PLCL1: variants seen among roughly 807,000 people sequenced by gnomAD.
PLCL1 encodes phospholipase C like 1 (inactive).
In PLCL1, 41 loss-of-function variants were observed where a neutral mutation model predicts 84.4. That is an observed-to-expected ratio of 0.49 (90% CI 0.38 to 0.63). The LOEUF is 0.63. PLCL1 is among the 30% of genes least tolerant of loss of function. The pLI is 0.00. For synonymous variants in PLCL1, 490 were observed against 488.3 expected (o/e 1.00, Z -0.05); for missense variants, 1,206 against 1,367.8 (o/e 0.88, Z 1.87).
intron 5 of PLCL1, among the ~76,000 whole-genome samples, chr2:198,112,671 AT>A (rs1314647496): frequency 6.6e-6 from 1 of 151,804 alleles, no homozygotes; most frequent in Non-Finnish European, 1.5e-5. Flanking sequence ...GTTTATTTCA[AT>A]TTTTTTGTCT....
intron 1 of PLCL1, among the ~76,000 whole-genome samples, chr2:198,069,937 T>C (rs1308691901): frequency 6.6e-6 from 1 of 152,172 alleles, no homozygotes; most frequent in East Asian, 1.9e-4. Context: ...GAATGTGGAT[T>C]AGAAGACAAT....
intron 1 of PLCL1, among the ~76,000 whole-genome samples, chr2:197,967,114 G>A (rs1054638592): frequency 1.3e-5 from 2 of 152,128 alleles, no homozygotes; most frequent in African/African-American, 4.8e-5. Flanking sequence ...TGACATTGTG[G>A]ATCCCCAGTG....
intron 1 of PLCL1, among the ~76,000 whole-genome samples, chr2:197,829,735 T>C (rs1482634679): frequency 6.6e-6 from 1 of 152,186 alleles, no homozygotes; most frequent in Non-Finnish European, 1.5e-5. Flanking sequence ...TAGTTTGGAG[T>C]GGCACATTGC....
chr2:198,123,526 T>G (rs1390233138), intron 5 of PLCL1, among the ~76,000 whole-genome samples: 4 of 152,008 alleles, frequency 2.6e-5, no homozygotes, highest in Non-Finnish European at 5.9e-5. Flanking sequence ...GAAGACCATG[T>G]GAAGACATAG....
intron 1 of PLCL1, among the ~76,000 whole-genome samples, chr2:197,887,383 A>G (rs2105721769): frequency 6.6e-6 from 1 of 152,224 alleles, no homozygotes; most frequent in African/African-American, 2.4e-5. Context: ...CAAGATGATC[A>G]TTTTTTTCTT....
intron 3 of PLCL1, among the ~76,000 whole-genome samples, chr2:198,096,609 G>A (rs541644117): frequency 6.0e-4 from 92 of 152,152 alleles, no homozygotes; most frequent in Non-Finnish European, 1.1e-3. Flanking sequence ...TGACTTCTGT[G>A]CTACCTTATT....
chr2:198,028,695 G>A (rs1175299997), intron 1 of PLCL1, among the ~76,000 whole-genome samples: 3 of 152,130 alleles, frequency 2.0e-5, no homozygotes, highest in Non-Finnish European at 4.4e-5. Context: ...CCTATTCGGG[G>A]AGAAGGGTAT....
intron 1 of PLCL1, among the ~76,000 whole-genome samples, chr2:197,815,941 A>C (rs1690677797): frequency 6.6e-6 from 1 of 152,178 alleles, no homozygotes; most frequent in South Asian, 2.1e-4. Context: ...CCTTGTGAAG[A>C]TGTTCTGAGC....
chr2:197,935,797 C>T (rs1689041140), intron 1 of PLCL1, among the ~76,000 whole-genome samples: 1 of 152,148 alleles, frequency 6.6e-6, no homozygotes, highest in Non-Finnish European at 1.5e-5. Flanking sequence ...TGAATTTCAG[C>T]TATACCATAT....
At chr2:198,132,418 T>G (rs1694141107) in intron 5 of PLCL1, among the ~76,000 whole-genome samples, 1 of 152,104 alleles carries the variant, frequency 6.6e-6, no homozygotes, top group African/African-American at 2.4e-5. Context: ...ATTCTCTACA[T>G]GGTGATAGTT....
chr2:197,953,253 C>T (rs963385190), intron 1 of PLCL1, among the ~76,000 whole-genome samples: 83 of 152,146 alleles, frequency 5.5e-4, no homozygotes, highest in Non-Finnish European at 7.1e-4. Flanking sequence ...TTTTCCGTAC[C>T]ATTCTAATAA....
At chr2:197,934,259 C>G (rs879342268) in intron 1 of PLCL1, among the ~76,000 whole-genome samples, 2 of 152,146 alleles carry the variant, frequency 1.3e-5, no homozygotes, top group African/African-American at 2.4e-5. Context: ...AGATTTCTTT[C>G]TTCAGCTCTT....
chr2:197,869,520 C>G (rs1687608839), intron 1 of PLCL1, among the ~76,000 whole-genome samples: 1 of 152,070 alleles, frequency 6.6e-6, no homozygotes, highest in South Asian at 2.1e-4. Flanking sequence ...ATGTTCGACT[C>G]ATGCAGTCAC....
chr2:198,006,809 A>G (rs1417422416), intron 1 of PLCL1, among the ~76,000 whole-genome samples: 1 of 152,176 alleles, frequency 6.6e-6, no homozygotes, highest in Non-Finnish European at 1.5e-5. Flanking sequence ...TTTGCTGCAA[A>G]GGACCCTGTG....
intron 3 of PLCL1, among the ~76,000 whole-genome samples, chr2:198,096,973 T>A (rs887930688): frequency 2.0e-5 from 3 of 152,204 alleles, no homozygotes; most frequent in Non-Finnish European, 2.9e-5. Flanking sequence ...ATGTCTATAG[T>A]TCCCCGATTT....
intron 1 of PLCL1, among the ~76,000 whole-genome samples, chr2:198,014,909 T>C (rs1288846671): frequency 6.6e-6 from 1 of 152,120 alleles, no homozygotes; most frequent in Non-Finnish European, 1.5e-5. Context: ...ATTACAGGAA[T>C]TTTTCCCCCC....
intron 1 of PLCL1, among the ~76,000 whole-genome samples, chr2:197,987,490 A>G (rs1474075022): frequency 6.6e-6 from 1 of 152,090 alleles, no homozygotes; most frequent in Non-Finnish European, 1.5e-5. Context: ...CCTCACTTCA[A>G]TCATTTAGGG....
At chr2:197,850,357 C>T (rs1163440068) in intron 1 of PLCL1, among the ~76,000 whole-genome samples, 1 of 152,146 alleles carries the variant, frequency 6.6e-6, no homozygotes, top group South Asian at 2.1e-4. Flanking sequence ...AACATACGAA[C>T]TCAAGGAATG....
chr2:197,854,746 C>T (rs747519968), intron 1 of PLCL1, among the ~76,000 whole-genome samples: 3 of 152,110 alleles, frequency 2.0e-5, no homozygotes, highest in Non-Finnish European at 4.4e-5. Flanking sequence ...AGGGAAGATA[C>T]AAATTACTTA....
Sources: allele counts gnomAD v4.1 joint callset (sites outside exome capture counted in the v4.1 genomes callset), GRCh38; gene constraint gnomAD v4.1.1; transcripts MANE v1.5; gene names NCBI Gene and HGNC (gene_info 2026-07-23, HGNC 2026-07-21).